The following SUPT5H variants were observed in gnomAD, a reference collection of about 807,000 sequenced individuals.
SUPT5H encodes the protein SPT5 homolog, DSIF elongation factor subunit, also known as transcription elongation factor SPT5.
A neutral mutation model predicts 142.5 loss-of-function variants in SUPT5H; 24 were observed. The ratio of observed to expected loss-of-function variants is 0.17; its 90% CI spans 0.12 to 0.24. SUPT5H has a LOEUF of 0.24. Among genes scored for constraint, SUPT5H ranks in the 10% least tolerant of loss-of-function variants. SUPT5H has a pLI of 1.00. For missense variants in SUPT5H, 893 were observed against 1,471.8 expected, an observed-to-expected ratio of 0.61 and a Z score of 6.43; for synonymous variants, 546 against 553.0, an observed-to-expected ratio of 0.99 and a Z score of 0.18.
chr19:39,461,821 C>CAAAAAA (rs747295729), intron 10 of SUPT5H, among the ~76,000 whole-genome samples: 3 of 128,392 alleles, frequency 2.3e-5, no homozygotes, highest in African/African-American at 8.3e-5. Flanking sequence ...GAGACTGTCT[C>CAAAAAA]AAAAAAAAAA....
In SUPT5H at chr19:39,474,407, T is replaced by TCA; in HGVS notation, c.2820+5_2820+6insCA. On this transcript the variant is annotated splice_donor_region_variant and intron_variant, in intron 27 of 29. Transcript: ENST00000432763. This position sits in a 1 kb window ranked among gnomAD's most constrained non-coding sequence, Gnocchi z 6.5. ...CCGTCGCCCATGGCCTATCAGGTAA[T>TCA]GGTCTGCCTGCCTGCCCTGAAGGGT... 2 of 1,613,188 alleles carry TCA rather than the reference T, an allele frequency of 1.2e-6. No individual in the cohort carries two copies. Among genetic ancestry groups the TCA allele is most frequent in the Non-Finnish European group, 1.7e-6 (2 of 1,179,312 alleles).
Position 39,471,346 on chromosome 19 carries a change from T to C in SUPT5H, c.1678-11T>C. 2 of 1,614,156 alleles carry C rather than the reference T, an allele frequency of 1.2e-6. No homozygotes were observed. Among genetic ancestry groups the C allele is most frequent in the Non-Finnish European group, 1.7e-6 (2 of 1,180,014 alleles). On this transcript the variant is annotated splice_polypyrimidine_tract_variant and intron_variant, in intron 18 of 29. Coordinates refer to ENST00000432763, the MANE Select transcript of SUPT5H (RefSeq NM_001111020.3). ...TCTCACCCCCACAGCCTCCCTGCTC[T>C]CCCTCTGTAGGTGCTGAACATGTAC...
chr19:39,458,618 C>A lies in SUPT5H; in HGVS notation c.320-200C>A. On this transcript the variant is annotated intron_variant, in intron 5 of 29. Transcript: ENST00000432763. This position sits in a 1 kb window ranked among gnomAD's most constrained non-coding sequence, Gnocchi z 4.2. ...GCTGGAAGCCCCCCAACTTGCTGGG[C>A]CCCATCCCCAGTCTTTTTGACAAGA... 1 of 701,444 alleles carries A rather than the reference C, an allele frequency of 1.4e-6. No homozygotes were observed. Among genetic ancestry groups the A allele is most frequent in the Non-Finnish European group, 2.3e-6 (1 of 427,834 alleles). 43.5% of individuals were successfully genotyped at this position (701,444 alleles called of 1,614,324 possible).
chr19:39,457,274 A>G (rs2079102856), intron 3 of SUPT5H, among the ~76,000 whole-genome samples: 2 of 152,252 alleles, frequency 1.3e-5, no homozygotes, highest in African/African-American at 4.8e-5. Flanking sequence ...CAGGGTGTAT[A>G]GTATGCTCTC....
intron 8 of SUPT5H, 145 bp from the exon 9 acceptor site, chr19:39,459,414 G>T: frequency 1.5e-6 from 2 of 1,328,992 alleles, no homozygotes; most frequent in Non-Finnish European, 2.1e-6. Context: ...CTTTCCTCTT[G>T]CTCCTGGGTA....
In SUPT5H at chr19:39,469,577, C is replaced by T. The variant is rs2079290457; in HGVS notation, c.1374+179C>T. On this transcript the variant is annotated intron_variant, in intron 16 of 29. Transcript: ENST00000432763. This position sits in a 1 kb window ranked among gnomAD's most constrained non-coding sequence, Gnocchi z 5.1. ...CTGAGTGCAGCTCAGGGTCGGTGGG[C>T]AGCAGGCCTGCCTGGTGGTGTCTGT... 1.2e-6 allele frequency: 1 copy of T among 833,842 alleles called. No homozygotes were observed. The highest frequency in any genetic ancestry group is 1.7e-5 in the South Asian group (1 of 59,152). 51.7% of individuals were successfully genotyped at this position (833,842 alleles called of 1,614,324 possible).
chr19:39,448,553 T>C (rs1032054126), intron 2 of SUPT5H, among the ~76,000 whole-genome samples: 1 of 147,910 alleles, frequency 6.8e-6, no homozygotes, highest in Non-Finnish European at 1.5e-5. Context: ...CACTACACCA[T>C]ACTTGACCCC....
At chr19:39,464,452 C>T (rs1029226540) in intron 10 of SUPT5H, among the ~76,000 whole-genome samples, 3 of 152,130 alleles carry the variant, frequency 2.0e-5, no homozygotes, top group Non-Finnish European at 2.9e-5. Context: ...CTCAACCTCC[C>T]GGGCTCAAGC....
rs374886918 is a variant in SUPT5H, at chr19:39,459,214, C to G, written c.489C>G (p.Asp163Glu). Residue 163 changes from aspartate (D) to glutamate (E), a missense_variant, in exon 8 of 30, where the codon GAC (aspartate) becomes GAG (glutamate). Transcript: ENST00000432763. ...ATGGAGGATCTGATGAGCTCTCAGACGACATCACCCAGCAGCAGCTGCTCC... is the reference window on the plus strand; with the variant it reads ...ATGGAGGATCTGATGAGCTCTCAGAGGACATCACCCAGCAGCAGCTGCTCC... ...TVYGGSDELS[D>E]DITQQQLLPG... The G allele has an allele frequency of 1.3e-6, 2 of 1,573,672 alleles. No homozygotes were observed. The highest frequency in any genetic ancestry group is 2.3e-5 in the East Asian group (1 of 42,634).
At chr19:39,446,030 C>T (rs2078949266) in intron 2 of SUPT5H, 65 bp downstream of exon 2, 1 of 1,536,602 alleles carries the variant, frequency 6.5e-7, no homozygotes, top group Non-Finnish European at 8.8e-7. Flanking sequence ...AGAAAGGCCC[C>T]TGTGGGAGGC....
chr19:39,472,353 T>C lies in SUPT5H; in HGVS notation c.1951-56T>C, dbSNP rs575337188. ...CTGCACGTGGGATGATGAGTTCCTGTGGTTTGTGGTTCCCCCATCCCCTGC... is the reference window on the plus strand; with the variant it reads ...CTGCACGTGGGATGATGAGTTCCTGCGGTTTGTGGTTCCCCCATCCCCTGC... On this transcript the variant is annotated intron_variant, in intron 20 of 29. Transcript: ENST00000432763. The surrounding 1 kb of genome is among the most constrained non-coding windows in gnomAD (Gnocchi z 4.2). 1.3e-5 allele frequency: 20 copies of C among 1,551,072 alleles called. No individual in the cohort carries two copies. In the African/African-American group the frequency reaches 2.4e-4, roughly 19 times the overall value.
At position 39,471,339 on chromosome 19, in the gene SUPT5H, C is replaced by T; in HGVS notation, c.1678-18C>T. On this transcript the variant is annotated intron_variant, in intron 18 of 29. Coordinates refer to ENST00000432763, the MANE Select transcript of SUPT5H (RefSeq NM_001111020.3). ...TTCCCATTCTCACCCCCACAGCCTC[C>T]CTGCTCTCCCTCTGTAGGTGCTGAA... is the stretch of plus-strand genomic sequence containing the variant. 6.2e-7 allele frequency: 1 copy of T among 1,614,170 alleles called. No homozygotes were observed. Among genetic ancestry groups the T allele is most frequent in the South Asian group, 1.1e-5 (1 of 91,072 alleles).
chr19:39,473,987 T>C lies in SUPT5H; in HGVS notation c.2517T>C (p.Ala839=). ...PSRAEEEYEY[A]FDDEPTPSPQ... is the part of the protein sequence containing the mutation. ...GGGCTGAGGAAGAATATGAGTATGC[T>C]TTCGATGATGAGCCCACCCCGTCCC... is the stretch of plus-strand genomic sequence containing the variant. The change falls in exon 26 of 30, where the codon GCT becomes GCC. Residue 839 remains alanine (A), a synonymous_variant. Coordinates refer to ENST00000432763, the MANE Select transcript of SUPT5H (RefSeq NM_001111020.3). This position sits in a 1 kb window ranked among gnomAD's most constrained non-coding sequence, Gnocchi z 5.8. 1 of 1,613,896 alleles carries C rather than the reference T, an allele frequency of 6.2e-7. No homozygotes were observed. The highest frequency in any genetic ancestry group is 8.5e-7 in the Non-Finnish European group (1 of 1,179,960).
intron 2 of SUPT5H, among the ~76,000 whole-genome samples, chr19:39,452,654 C>G (rs73549928): frequency 0.011 from 1,718 of 152,146 alleles, 26 homozygotes; most frequent in African/African-American, 0.04. Flanking sequence ...ATGGGAGTCA[C>G]TGTCACAGAG....
At position 39,466,694 on chromosome 19, in the gene SUPT5H, G is replaced by A. The variant is rs1184912812; in HGVS notation, c.986G>A (p.Arg329Lys). The change falls in exon 13 of 30, where the codon AGG becomes AAG. Residue 329 changes from arginine to lysine, a missense_variant. Transcript: ENST00000432763. The surrounding 1 kb of genome is among the most constrained non-coding windows in gnomAD (Gnocchi z 4.3). ...RMSLKDWFAK[R>K]KKFKRPPQRL... ...CCATAGAAAGACTGGTTTGCCAAAA[G>A]GAAGAAGTTTAAGCGGCCTCCACAG... is the stretch of plus-strand genomic sequence containing the variant. 6.2e-7 allele frequency: 1 copy of A among 1,614,190 alleles called. No homozygotes were observed. The highest frequency in any genetic ancestry group is 1.1e-5 in the South Asian group (1 of 91,086).
In SUPT5H at chr19:39,453,416, G is replaced by T; in HGVS notation, c.136G>T (p.Glu46Ter). ...SEKEEEPEDE[E>*]EEEEEEEYDE... ...GAAAGAAGAAGAGCCTGAGGACGAA[G>T]AGGAGGAGGAAGAGGAGGAGGAATA... Residue 46 changes from glutamate to a stop codon, truncating the protein, a stop_gained, in exon 3 of 30, where the codon GAG becomes TAG. Coordinates refer to ENST00000432763, the MANE Select transcript of SUPT5H (RefSeq NM_001111020.3). LOFTEE classifies it high-confidence loss of function. 1 of 1,590,492 alleles carries T rather than the reference G, an allele frequency of 6.3e-7. No individual in the cohort carries two copies. Among genetic ancestry groups the T allele is most frequent in the East Asian group, 2.3e-5 (1 of 43,734 alleles).
chr19:39,466,425 T>C lies in SUPT5H; in HGVS notation c.877-55T>C. On this transcript the variant is annotated intron_variant, in intron 11 of 29. Coordinates refer to ENST00000432763, the MANE Select transcript of SUPT5H (RefSeq NM_001111020.3). The surrounding 1 kb of genome is among the most constrained non-coding windows in gnomAD (Gnocchi z 4.3). ...CTAGCATCTCCTGACCCTTCTTGTG[T>C]CTGGGGTCAGGGAGGAGAGTGGGGC... 1 of 1,507,420 alleles carries C rather than the reference T, an allele frequency of 6.6e-7. No individual in the cohort carries two copies. Among genetic ancestry groups the C allele is most frequent in the Non-Finnish European group, 9.2e-7 (1 of 1,084,716 alleles). The allele number at this position is 1,507,420 out of a possible 1,614,324, so 93.4% of individuals were successfully genotyped here.
chr19:39,471,528 G>A, intron 19 of SUPT5H, 25 bp downstream of exon 19: 1 of 1,614,012 alleles, frequency 6.2e-7, no homozygotes, highest in Non-Finnish European at 8.5e-7. Context: ...CTGCTTTTGA[G>A]CTGCATCTGA....
Position 39,471,622 on chromosome 19 carries a change from T to C in SUPT5H, c.1842T>C (p.Ile614=). 2.5e-6 allele frequency: 4 copies of C among 1,614,182 alleles called. 1 individual carries two copies. The highest frequency in any genetic ancestry group is 2.2e-5 in the South Asian group (2 of 91,080). The change falls in exon 20 of 30, where the codon ATT becomes ATC. Residue 614 remains isoleucine (I), a synonymous_variant. Coordinates refer to ENST00000432763, the MANE Select transcript of SUPT5H (RefSeq NM_001111020.3). ...CCGGCTAGGGCCGAGAAGGGGAGAT[T>C]CGCCATCTCTTCCGAAGCTTCGCCT... is the stretch of plus-strand genomic sequence containing the variant. ...DGPHSGREGE[I]RHLFRSFAFL...
Sources: allele counts gnomAD v4.1 joint callset (sites outside exome capture counted in the v4.1 genomes callset), GRCh38; gene constraint gnomAD v4.1.1; non-coding constraint Gnocchi (gnomAD v3.1); transcripts MANE v1.5; gene names NCBI Gene and HGNC (gene_info 2026-07-23, HGNC 2026-07-21).